ELF1: variants seen among roughly 807,000 people sequenced by gnomAD.
ELF1 encodes the protein E74 like ETS transcription factor 1, also known as ETS-related transcription factor Elf-1.
ELF1 carries 24 observed loss-of-function variants against 59.9 expected under a neutral mutation model. That is an observed-to-expected ratio of 0.40 (90% CI 0.29 to 0.56). The LOEUF (loss-of-function observed/expected upper bound fraction) is 0.56. Among genes scored for constraint, ELF1 ranks in the 20% least tolerant of loss-of-function variants. The probability of loss-of-function intolerance (pLI) is 0.44; values close to 1 mark genes in which losing one functional copy is unlikely to be tolerated. For missense variants in ELF1, 627 were observed against 742.2 expected (o/e 0.84, Z 1.80); for synonymous variants, 248 against 266.2 (o/e 0.93, Z 0.67).
chr13:41,060,327 G>C (rs530174626), intron 1 of ELF1, among the ~76,000 whole-genome samples: 2 of 152,316 alleles, frequency 1.3e-5, no homozygotes, highest in Non-Finnish European at 2.9e-5. Flanking sequence ...AGCCCGTCCT[G>C]CATAGGAAGA....
At chr13:41,030,813 TG>T (rs1428581899) in intron 1 of ELF1, among the ~76,000 whole-genome samples, 1 of 150,652 alleles carries the variant, frequency 6.6e-6, no homozygotes, top group African/African-American at 2.5e-5. Flanking sequence ...TGATTTGGGT[TG>T]TTTTTTTTGG....
In ELF1 at chr13:40,981,966, T is replaced by G; in HGVS notation, c.72+17A>C. Reference sequence around the variant, plus strand: ...ATAATAAAGTCATTAAAATGAAATTTTCTCTGAATCTCATACCTGTCGTTC... The same window carrying G: ...ATAATAAAGTCATTAAAATGAAATTGTCTCTGAATCTCATACCTGTCGTTC... On this transcript the variant is annotated intron_variant, in intron 2 of 8. Transcript: ENST00000239882. 1 of 1,597,236 alleles carries G rather than the reference T, an allele frequency of 6.3e-7. No individual in the cohort carries two copies. Among genetic ancestry groups the G allele is most frequent in the African/African-American group, 1.3e-5 (1 of 74,302 alleles).
rs559386201 is a variant in ELF1, at chr13:40,977,991, G to T, written c.72+3992C>A. ...GTGAAGGGCTAACACCACTATTTGT[G>T]GGAGTGGGGGAAGAATCTTCAAATC... On this transcript the variant is annotated intron_variant, in intron 2 of 8. Coordinates refer to ENST00000239882, the MANE Select transcript of ELF1 (RefSeq NM_172373.4). Among the ~76,000 whole-genome samples, 358 of 152,314 alleles carry T rather than the reference G, an allele frequency of 2.4e-3. 4 individuals are homozygous for T. Among genetic ancestry groups the T allele is most frequent in the Middle Eastern group, 0.01 (3 of 294 alleles).
intron 3 of ELF1, 34 bp from the exon 4 acceptor site, chr13:40,951,470 T>C (rs1226221919): frequency 1.3e-6 from 2 of 1,514,560 alleles, no homozygotes; most frequent in Admixed American, 1.7e-5. Flanking sequence ...TTAAATTAAC[T>C]ACGAGACATC....
At chr13:40,955,721 G>A (rs1349282301) in intron 3 of ELF1, among the ~76,000 whole-genome samples, 19 of 131,132 alleles carry the variant, frequency 1.4e-4, no homozygotes, top group Non-Finnish European at 1.7e-5. Flanking sequence ...CCGGGAGGGA[G>A]GCGGGGAGGT....
intron 1 of ELF1, among the ~76,000 whole-genome samples, chr13:41,028,340 T>C (rs1033150967): frequency 4.6e-5 from 7 of 152,216 alleles, no homozygotes; most frequent in African/African-American, 1.7e-4. Context: ...GGCATCTCTT[T>C]GTATTATCAT....
intron 1 of ELF1, among the ~76,000 whole-genome samples, chr13:40,996,812 A>G (rs1444655222): frequency 2.6e-5 from 4 of 152,072 alleles, no homozygotes; most frequent in African/African-American, 4.8e-5. Context: ...CTCCAACACA[A>G]TCTTAATACT....
chr13:40,941,741 T>C (rs1870186201), intron 7 of ELF1, among the ~76,000 whole-genome samples: 1 of 152,158 alleles, frequency 6.6e-6, no homozygotes, highest in African/African-American at 2.4e-5. Context: ...CACTGCAGCC[T>C]TGAACTCCTG....
chr13:41,044,652 T>C (rs888654960), intron 1 of ELF1, among the ~76,000 whole-genome samples: 10 of 152,196 alleles, frequency 6.6e-5, no homozygotes, highest in African/African-American at 2.4e-4. Context: ...GCCCACTTGA[T>C]CATGGTGGAT....
At position 40,932,352 on chromosome 13, in the gene ELF1, A is replaced by T. The variant is rs978434877; in HGVS notation, c.*1073T>A. ...CCCCCCAAGTCCGCCCCCAGTAAAA[A>T]ATGATCCAAAATATAAAGCAATTAT... On this transcript the variant is annotated 3_prime_UTR_variant, in exon 9 of 9. Coordinates refer to ENST00000239882, the MANE Select transcript of ELF1 (RefSeq NM_172373.4). The T allele has an allele frequency of 4.7e-5, 7 of 148,404 alleles. No individual in the cohort carries two copies. The highest frequency in any genetic ancestry group is 1.8e-4 in the African/African-American group (7 of 39,998). 9.2% of individuals were successfully genotyped at this position (148,404 alleles called of 1,614,324 possible). A position where few individuals can be genotyped will look rare whatever the true frequency, so the allele number is the denominator to read the frequency against.
exon 1 of ELF1, chr13:41,060,940 CCGCCG>C (rs1877571203): frequency 5.3e-6 from 2 of 374,624 alleles, no homozygotes; most frequent in South Asian, 2.0e-5. Flanking sequence ...GCCGCCGCCG[CCGCCG>C]CTGCTGCTGC....
intron 3 of ELF1, among the ~76,000 whole-genome samples, chr13:40,953,272 G>A (rs138375831): frequency 8.5e-5 from 13 of 152,206 alleles, no homozygotes; most frequent in East Asian, 7.7e-4. Context: ...CACCGTGCCC[G>A]GCCTACAGTA....
intron 2 of ELF1, among the ~76,000 whole-genome samples, chr13:40,979,065 C>T (rs1232418045): frequency 1.3e-5 from 2 of 151,796 alleles, no homozygotes; most frequent in Non-Finnish European, 2.9e-5. Context: ...CTAGTAGTCC[C>T]TCTTTATGTC....
chr13:41,060,646 C>T (rs899613337), intron 1 of ELF1, among the ~76,000 whole-genome samples: 3 of 152,164 alleles, frequency 2.0e-5, no homozygotes, highest in African/African-American at 4.8e-5. Flanking sequence ...CAAACTCACC[C>T]AGACGGGGAC....
intron 3 of ELF1, among the ~76,000 whole-genome samples, chr13:40,955,547 T>TC (rs1555272597): frequency 1.8e-4 from 4 of 22,428 alleles, no homozygotes; most frequent in African/African-American, 3.5e-4. Context: ...GGGAAGTAGG[T>TC]GGGGGGGTCA....
At chr13:41,030,766 G>C (rs1186754027) in intron 1 of ELF1, among the ~76,000 whole-genome samples, 1 of 148,982 alleles carries the variant, frequency 6.7e-6, no homozygotes, top group Non-Finnish European at 1.5e-5. Flanking sequence ...TAAAAAGAAA[G>C]TAATTTTGTT....
At chr13:40,948,143 T>C (rs889252546) in intron 5 of ELF1, among the ~76,000 whole-genome samples, 6 of 152,280 alleles carry the variant, frequency 3.9e-5, no homozygotes, top group Middle Eastern at 6.8e-3. Flanking sequence ...CCTTAATACA[T>C]GGAGAAAAAA....
chr13:40,996,893 C>T (rs1355671424), intron 1 of ELF1, among the ~76,000 whole-genome samples: 1 of 152,094 alleles, frequency 6.6e-6, no homozygotes, highest in African/African-American at 2.4e-5. Flanking sequence ...CCCCATCCCA[C>T]TATTGAAGAA....
intron 2 of ELF1, among the ~76,000 whole-genome samples, chr13:40,972,128 T>C (rs1279169869): frequency 1.3e-5 from 2 of 152,144 alleles, no homozygotes; most frequent in Non-Finnish European, 2.9e-5. Context: ...TATGAAAAGA[T>C]GGACTTTGAC....
Sources: gnomAD v4.1 joint callset for allele counts (sites outside exome capture counted in the v4.1 genomes callset) on GRCh38, gnomAD v4.1.1 for gene constraint, MANE v1.5 for transcripts, NCBI Gene and HGNC (gene_info 2026-07-23, HGNC 2026-07-21) for gene names.